STAG1: variants seen among roughly 807,000 people sequenced by gnomAD.
STAG1 encodes cohesin subunit SA-1.
Under a neutral mutation model 170.9 loss-of-function variants are expected in STAG1, and 26 were observed. The ratio of observed to expected loss-of-function variants is 0.15; its 90% CI spans 0.11 to 0.21. The LOEUF (loss-of-function observed/expected upper bound fraction) is 0.21. Among genes scored for constraint, STAG1 ranks in the 10% least tolerant of loss-of-function variants. The pLI, the probability that STAG1 is intolerant of heterozygous loss-of-function variation, is 1.00. For missense variants in STAG1, 964 were observed against 1,509.5 expected (o/e 0.64, Z 5.99); for synonymous variants, 514 against 497.7 (o/e 1.03, Z -0.44).
chr3:136,655,929 A>C (rs1041789196), intron 1 of STAG1, among the ~76,000 whole-genome samples: 3 of 152,196 alleles, frequency 2.0e-5, no homozygotes, highest in Non-Finnish European at 4.4e-5. Context: ...CTGGGTATGT[A>C]GTCCAAAGAA....
intron 4 of STAG1, among the ~76,000 whole-genome samples, chr3:136,572,598 T>C (rs1356040753): frequency 2.8e-5 from 2 of 71,586 alleles, no homozygotes; most frequent in Non-Finnish European, 4.9e-5. Flanking sequence ...AGCAAGACTG[T>C]CTCAAAAAAA....
intron 14 of STAG1, among the ~76,000 whole-genome samples, chr3:136,450,375 T>A (rs1448842175): frequency 6.6e-6 from 1 of 152,198 alleles, no homozygotes; most frequent in Non-Finnish European, 1.5e-5. Flanking sequence ...TAAAATACTA[T>A]TAAACACATT....
chr3:136,608,071 A>G (rs1576661287), intron 3 of STAG1, among the ~76,000 whole-genome samples: 2 of 152,352 alleles, frequency 1.3e-5, no homozygotes, highest in Middle Eastern at 6.8e-3. Flanking sequence ...AGCCTGGCCA[A>G]CATGGCAAAA....
intron 1 of STAG1, among the ~76,000 whole-genome samples, chr3:136,734,045 T>C (rs931580077): frequency 6.7e-6 from 1 of 148,912 alleles, no homozygotes; most frequent in Non-Finnish European, 1.5e-5. Flanking sequence ...AGGCAGAGCT[T>C]GCAGTGAGCC....
chr3:136,712,955 G>A lies in STAG1; in HGVS notation c.-84+39240C>T, dbSNP rs553797246. ...AAAATACAAAAATTAGCCAGGCACA[G>A]TGGCGGGTGCCTGTCATCCCAGCTA... On this transcript the variant is annotated intron_variant, in intron 1 of 33. Coordinates refer to ENST00000383202, the MANE Select transcript of STAG1 (RefSeq NM_005862.3). 5.9e-5 allele frequency among the ~76,000 whole-genome samples: 9 copies of A among 152,226 alleles called. No individual in the cohort carries two copies. The South Asian group carries it at 1.9e-3, about 32-fold the overall frequency.
chr3:136,542,131 T>C lies in STAG1; in HGVS notation c.459A>G (p.Glu153=). 6.2e-7 allele frequency: 1 copy of C among 1,609,802 alleles called. No individual in the cohort carries two copies. Residue 153 remains glutamate, a synonymous_variant, in exon 6 of 34, where the codon GAA becomes GAG. Coordinates refer to ENST00000383202, the MANE Select transcript of STAG1 (RefSeq NM_005862.3). ...QNAEIIRKMT[E]EFDEDSGDYP... is the part of the protein sequence containing the mutation. Reference sequence around the variant, plus strand: ...TGGAATGCTATACCTCATCAAATTCTTCAGTCATTTTTCTGATGATTTCTG... The same window carrying C: ...TGGAATGCTATACCTCATCAAATTCCTCAGTCATTTTTCTGATGATTTCTG...
At chr3:136,589,628 CAAAAAAAAAAAAA>C (rs71626007) in intron 4 of STAG1, among the ~76,000 whole-genome samples, 1 of 46,192 alleles carries the variant, frequency 2.2e-5, no homozygotes, top group African/African-American at 7.0e-5. Flanking sequence ...CAAAGGGAGC[CAAAAAAAAAAAAA>C]AAAAAAAAGC....
chr3:136,352,105 TAA>T (rs1313837687), intron 28 of STAG1, among the ~76,000 whole-genome samples: 1 of 152,196 alleles, frequency 6.6e-6, no homozygotes, highest in African/African-American at 2.4e-5. Flanking sequence ...AGATAATTAG[TAA>T]AGAGTAGCTA....
chr3:136,525,360 T>C (rs1410642963), intron 6 of STAG1, among the ~76,000 whole-genome samples: 2 of 152,240 alleles, frequency 1.3e-5, no homozygotes, highest in Non-Finnish European at 2.9e-5. Flanking sequence ...CCATTTCTTC[T>C]AGATTTTCTA....
intron 5 of STAG1, among the ~76,000 whole-genome samples, chr3:136,563,439 T>C (rs1220676859): frequency 6.6e-6 from 1 of 152,132 alleles, no homozygotes; most frequent in Non-Finnish European, 1.5e-5. Flanking sequence ...AAGTCAGGAC[T>C]ATTCAAAAAC....
At chr3:136,619,734 G>T (rs1016217748) in intron 3 of STAG1, among the ~76,000 whole-genome samples, 1 of 117,558 alleles carries the variant, frequency 8.5e-6, no homozygotes, top group Non-Finnish European at 1.6e-5. Context: ...TCCAGATTAC[G>T]CAACAGCGCG....
chr3:136,625,415 T>C (rs1198377038), intron 2 of STAG1, among the ~76,000 whole-genome samples: 1 of 152,218 alleles, frequency 6.6e-6, no homozygotes, highest in African/African-American at 2.4e-5. Flanking sequence ...GATTTTTATC[T>C]TGCATGCATG....
At chr3:136,522,257 T>A (rs568882080) in intron 6 of STAG1, among the ~76,000 whole-genome samples, 3 of 152,260 alleles carry the variant, frequency 2.0e-5, no homozygotes, top group South Asian at 2.1e-4. Context: ...ACTGGAGTCA[T>A]AGGAAAGAGA....
intron 4 of STAG1, among the ~76,000 whole-genome samples, chr3:136,593,444 C>G (rs190166230): frequency 6.6e-6 from 1 of 152,358 alleles, no homozygotes; most frequent in Admixed American, 6.5e-5. Context: ...CTAGAGTTGG[C>G]TGCCTCCCAT....
chr3:136,372,901 T>C (rs1937422823), intron 23 of STAG1, among the ~76,000 whole-genome samples: 3 of 152,222 alleles, frequency 2.0e-5, no homozygotes, highest in Non-Finnish European at 4.4e-5. Context: ...TTCTATTGAT[T>C]GGAATAGTTT....
intron 20 of STAG1, among the ~76,000 whole-genome samples, chr3:136,418,999 T>C (rs940520822): frequency 2.6e-5 from 4 of 152,144 alleles, no homozygotes; most frequent in African/African-American, 7.2e-5. Context: ...ACCACATGTG[T>C]ATTTTTAAAA....
chr3:136,364,225 G>C (rs1260505584), intron 25 of STAG1, among the ~76,000 whole-genome samples: 1 of 151,864 alleles, frequency 6.6e-6, no homozygotes, highest in Non-Finnish European at 1.5e-5. Context: ...TGGGACAACA[G>C]GTGTGTGCCA....
At chr3:136,504,635 G>A (rs1021476603) in intron 7 of STAG1, among the ~76,000 whole-genome samples, 28 of 152,254 alleles carry the variant, frequency 1.8e-4, no homozygotes, top group Admixed American at 4.6e-4. Context: ...TGTTTGTTAT[G>A]AGCATATGAA....
chr3:136,695,737 T>C (rs1942866768), intron 1 of STAG1, among the ~76,000 whole-genome samples: 1 of 151,218 alleles, frequency 6.6e-6, no homozygotes, highest in Non-Finnish European at 1.5e-5. Flanking sequence ...CCCTCAAAAA[T>C]TAAATCCAAA....
Sources: allele counts gnomAD v4.1 joint callset (sites outside exome capture counted in the v4.1 genomes callset), GRCh38; gene constraint gnomAD v4.1.1; transcripts MANE v1.5; gene names NCBI Gene and HGNC (gene_info 2026-07-23, HGNC 2026-07-21).